The following RCOR2 variants were observed in gnomAD, a reference collection of about 807,000 sequenced individuals.
RCOR2 encodes REST corepressor 2.
Under a neutral mutation model 58.9 loss-of-function variants are expected in RCOR2, and 19 were observed. The observed-to-expected ratio is 0.32, with a 90% confidence interval of 0.23 to 0.47. RCOR2 has a LOEUF of 0.47. Ranked by LOEUF, RCOR2 falls within the 20% of genes least tolerant of loss-of-function variation. RCOR2 has a pLI of 1.00. For synonymous variants in RCOR2, 286 were observed against 278.7 expected, an observed-to-expected ratio of 1.03 and a Z score of -0.26; for missense variants, 590 against 707.9, an observed-to-expected ratio of 0.83 and a Z score of 1.89.
chr11:63,916,414 G>C lies in RCOR2; in HGVS notation c.43C>G (p.Leu15Val). Residue 15 changes from leucine (L) to valine (V), a missense_variant, in exon 1 of 12, where the codon CTG (leucine) becomes GTG (valine). Physicochemically the swap from Leu to Val is conservative, Grantham distance 32. Transcript: ENST00000301459. ...MEKPSAGSGI[L>V]SRSRAKTVPN... is the part of the protein sequence containing the mutation. ...ACCGTCTTGGCCCGGCTACGGGACA[G>C]GATCCCAGAGCCCGCGCTCGGCTTC... is the stretch of plus-strand genomic sequence containing the variant. The C allele has an allele frequency of 6.2e-7, 1 of 1,607,648 alleles. No homozygotes were observed. Among genetic ancestry groups the C allele is most frequent in the Non-Finnish European group, 8.5e-7 (1 of 1,177,816 alleles).
chr11:63,912,050 G>C lies in RCOR2; in HGVS notation c.1387C>G (p.Leu463Val), dbSNP rs1241346711. The stretch of plus-strand genomic sequence containing the variant: ...TGCAGTGGGGGTGGCTGTCGGAGCA[G>C]AGTGGGAGCCGTGGGCAAAGGTGGC... Reference protein sequence around the residue: ...LRPPLPTAPTLLRQPPPLQQG... With the variant: ...LRPPLPTAPTVLRQPPPLQQG... The change falls in exon 12 of 12, where the codon CTG (leucine) becomes GTG (valine). Residue 463 changes from leucine to valine, a missense_variant. Physicochemically the swap from Leu to Val is conservative, Grantham distance 32. This residue lies in a region of RCOR2 where 196 missense variants were observed against 210.7 expected (regional missense o/e 0.93). Coordinates refer to ENST00000301459, the MANE Select transcript of RCOR2 (RefSeq NM_173587.4). The C allele has an allele frequency of 6.7e-7, 1 of 1,493,658 alleles. No individual in the cohort carries two copies. Among genetic ancestry groups the C allele is most frequent in the East Asian group, 2.5e-5 (1 of 40,462 alleles). The allele number at this position is 1,493,658 out of a possible 1,614,324, so 92.5% of individuals were successfully genotyped here.
At position 63,914,755 on chromosome 11, in the gene RCOR2, T is replaced by C; in HGVS notation, c.380A>G (p.Asn127Ser). 7.4e-6 allele frequency: 12 copies of C among 1,613,378 alleles called. No homozygotes were observed. Among genetic ancestry groups the C allele is most frequent in the Non-Finnish European group, 9.3e-6 (11 of 1,179,662 alleles). Residue 127 changes from asparagine (N) to serine (S), a missense_variant, in exon 5 of 12, where the codon AAC becomes AGC. Coordinates refer to ENST00000301459, the MANE Select transcript of RCOR2 (RefSeq NM_173587.4). ...CCACTCGTCAGGGAATGGGGTGAAG[T>C]TGGCCAGGTCGGCCAGCGACTTCTC... The part of the protein sequence containing the change: ...DVEKSLADLA[N>S]FTPFPDEWTV...
In RCOR2 at chr11:63,911,698, AG is replaced by A; in HGVS notation, c.*166del. 2 of 1,142,796 alleles carry A rather than the reference AG, an allele frequency of 1.8e-6. No homozygotes were observed. Among genetic ancestry groups the A allele is most frequent in the Non-Finnish European group, 2.3e-6 (2 of 873,432 alleles). The allele number at this position is 1,142,796 out of a possible 1,614,324, so 70.8% of individuals were successfully genotyped here. The stretch of plus-strand genomic sequence containing the variant: ...GCCCCAGGAGACAGGCCCAGCTGCC[AG>A]GAACACATGCAGAACCCAAAGGGCG... On this transcript the variant is annotated 3_prime_UTR_variant, in exon 12 of 12. Transcript: ENST00000301459.
chr11:63,927,064 C>T, the RCOR2 span, among the ~76,000 whole-genome samples: 1 of 151,770 alleles, frequency 6.6e-6, no homozygotes, highest in South Asian at 2.1e-4. Flanking sequence ...TCCACCCAAA[C>T]TCCTGGCCTC....
chr11:63,923,859 A>G, the RCOR2 span, among the ~76,000 whole-genome samples: 4 of 152,054 alleles, frequency 2.6e-5, no homozygotes, highest in South Asian at 6.2e-4. Context: ...ATCTTCACCA[A>G]TCTTCACCAC....
chr11:63,911,802 A>C lies in RCOR2; in HGVS notation c.*63T>G. 1 of 1,469,468 alleles carries C rather than the reference A, an allele frequency of 6.8e-7. No individual in the cohort carries two copies. The highest frequency in any genetic ancestry group is 8.9e-7 in the Non-Finnish European group (1 of 1,125,274). The allele number at this position is 1,469,468 out of a possible 1,614,324, so 91.0% of individuals were successfully genotyped here. ...TCCCTTCTGTCCTCAGTGACACCAG[A>C]GATGCCTGGGGATGGCCAGCAAAGG... On this transcript the variant is annotated 3_prime_UTR_variant, in exon 12 of 12. Coordinates refer to ENST00000301459, the MANE Select transcript of RCOR2 (RefSeq NM_173587.4).
At chr11:63,913,177 TATATA>T (rs1210027624) in intron 8 of RCOR2, among the ~76,000 whole-genome samples, 6 of 121,896 alleles carry the variant, frequency 4.9e-5, no homozygotes, top group Non-Finnish European at 5.0e-5. Flanking sequence ...TATATATATA[TATATA>T]TATTTTTTTT....
chr11:63,914,828 C>G lies in RCOR2; in HGVS notation c.319-12G>C. On this transcript the variant is annotated splice_polypyrimidine_tract_variant and intron_variant, in intron 4 of 11. Transcript: ENST00000301459. ...AGCATGCCCAGCGCCTGGCCCGGGG[C>G]AAGGGGCAGCTGAGCCTGAGCTGCC... 1 of 1,583,542 alleles carries G rather than the reference C, an allele frequency of 6.3e-7. No homozygotes were observed. The highest frequency in any genetic ancestry group is 1.1e-5 in the South Asian group (1 of 89,062).
chr11:63,913,182 ATATT>A (rs1196839533), intron 8 of RCOR2, among the ~76,000 whole-genome samples: 71 of 81,684 alleles, frequency 8.7e-4, no homozygotes, highest in East Asian at 1.7e-3. Flanking sequence ...ATATATATAT[ATATT>A]TTTTTTTTTT....
chr11:63,923,517 G>T, the RCOR2 span, among the ~76,000 whole-genome samples: 1 of 152,088 alleles, frequency 6.6e-6, no homozygotes, highest in African/African-American at 2.4e-5. Flanking sequence ...CAGTGACTTT[G>T]TTATCTCTAA....
In RCOR2 at chr11:63,912,003, G is replaced by A; in HGVS notation, c.1434C>T (p.Pro478=). Residue 478 remains proline (P), a synonymous_variant, in exon 12 of 12, where the codon CCC becomes CCT. Transcript: ENST00000301459. ...PPLQQGRFLQ[P]RLAPNQPPPP... is the part of the protein sequence containing the mutation. The stretch of plus-strand genomic sequence containing the variant: ...GTGGGGGCTGGTTGGGGGCCAGCCG[G>A]GGCTGGAGGAAGCGGCCCTGCTGCA... 7.0e-7 allele frequency: 1 copy of A among 1,434,604 alleles called. No homozygotes were observed. Among genetic ancestry groups the A allele is most frequent in the Non-Finnish European group, 9.2e-7 (1 of 1,091,108 alleles). 88.9% of individuals were successfully genotyped at this position (1,434,604 alleles called of 1,614,324 possible). A position where few individuals can be genotyped will look rare whatever the true frequency, so the allele number is the denominator to read the frequency against.
At position 63,916,532 on chromosome 11, in the gene RCOR2, C is replaced by G. The variant is rs1941860983; in HGVS notation, c.-76G>C. 14 of 1,509,914 alleles carry G rather than the reference C, an allele frequency of 9.3e-6. No homozygotes were observed. The highest frequency in any genetic ancestry group is 1.3e-5 in the South Asian group (1 of 78,786). 93.5% of individuals were successfully genotyped at this position (1,509,914 alleles called of 1,614,324 possible). ...TGGTTGCCGCACTCGCTCCGAGTGCCGAGCCCGGCCCGGCCTGGAGAGGTC... is the reference window on the plus strand; with the variant it reads ...TGGTTGCCGCACTCGCTCCGAGTGCGGAGCCCGGCCCGGCCTGGAGAGGTC... On this transcript the variant is annotated 5_prime_UTR_variant, in exon 1 of 12. Transcript: ENST00000301459.
rs1941748371 is a variant in RCOR2 at position 63,911,404 on chromosome 11, G to C, written c.*461C>G. 1 of 153,118 alleles carries C rather than the reference G, an allele frequency of 6.5e-6. No homozygotes were observed. The highest frequency in any genetic ancestry group is 2.4e-5 in the African/African-American group (1 of 41,416). 9.5% of individuals were successfully genotyped at this position (153,118 alleles called of 1,614,324 possible). A position where few individuals can be genotyped will look rare whatever the true frequency, so the allele number is the denominator to read the frequency against. On this transcript the variant is annotated 3_prime_UTR_variant, in exon 12 of 12. Transcript: ENST00000301459. ...CAGAGCTTCTCTTCCAGCCTCTGCT[G>C]CTGTAAGGCCCCTCTGCCCACCTCC...
Position 63,912,601 on chromosome 11 carries a change from C to T in RCOR2, c.1028-67G>A, listed in dbSNP as rs1941786730. On this transcript the variant is annotated intron_variant, in intron 10 of 11. Coordinates refer to ENST00000301459, the MANE Select transcript of RCOR2 (RefSeq NM_173587.4). ...ACTAGTTACTTCCCTGACCCTTCCCCTCTGCCCCCCCACTCCTTGGAGGGT... is the reference window on the plus strand; with the variant it reads ...ACTAGTTACTTCCCTGACCCTTCCCTTCTGCCCCCCCACTCCTTGGAGGGT... 2.1e-5 allele frequency: 33 copies of T among 1,593,448 alleles called. No individual in the cohort carries two copies. In the South Asian group the frequency reaches 3.5e-4, roughly 17 times the overall value.
the RCOR2 span, among the ~76,000 whole-genome samples, chr11:63,926,555 C>T: frequency 2.0e-5 from 3 of 146,840 alleles, no homozygotes; most frequent in Admixed American, 6.9e-5. Context: ...GACGTGATCT[C>T]GGCTCACCAC....
Position 63,911,575 on chromosome 11 carries a change from A to G in RCOR2, c.*290T>C. 1 of 327,270 alleles carries G rather than the reference A, an allele frequency of 3.1e-6. No individual in the cohort carries two copies. Among genetic ancestry groups the G allele is most frequent in the Non-Finnish European group, 5.5e-6 (1 of 182,232 alleles). 20.3% of individuals were successfully genotyped at this position (327,270 alleles called of 1,614,324 possible). A position where few individuals can be genotyped will look rare whatever the true frequency, so the allele number is the denominator to read the frequency against. ...CGGACACACAAAGGGCAGGACCCAG[A>G]GGCCAAGCCCCAGCAGACTAGGACA... On this transcript the variant is annotated 3_prime_UTR_variant, in exon 12 of 12. Transcript: ENST00000301459.
At position 63,916,408 on chromosome 11, in the gene RCOR2, G is replaced by T; in HGVS notation, c.49C>A (p.Arg17Ser). Residue 17 changes from arginine to serine, a missense_variant, in exon 1 of 12, where the codon CGT becomes AGT. Physicochemically the swap from Arg to Ser is moderately radical, Grantham distance 110. Transcript: ENST00000301459. ...TTGGGCACCGTCTTGGCCCGGCTAC[G>T]GGACAGGATCCCAGAGCCCGCGCTC... ...KPSAGSGILS[R>S]SRAKTVPNGG... 1.9e-6 allele frequency: 3 copies of T among 1,607,744 alleles called. No homozygotes were observed. Among genetic ancestry groups the T allele is most frequent in the Non-Finnish European group, 8.5e-7 (1 of 1,177,870 alleles).
At position 63,915,620 on chromosome 11, in the gene RCOR2, C is replaced by A; in HGVS notation, c.128-9G>T. On this transcript the variant is annotated splice_polypyrimidine_tract_variant and intron_variant, in intron 1 of 11. Transcript: ENST00000301459. ...AACGCGGATCATGCTGTCTGTGGAG[C>A]CAGGGGGAGGCAGTCAGGACTCCAG... 1.0e-6 allele frequency: 1 copy of A among 975,064 alleles called. No individual in the cohort carries two copies. The highest frequency in any genetic ancestry group is 1.4e-6 in the Non-Finnish European group (1 of 726,124). 60.4% of individuals were successfully genotyped at this position (975,064 alleles called of 1,614,324 possible).
Position 63,914,503 on chromosome 11 carries a change from G to A in RCOR2, c.519C>T (p.Tyr173=). ...DKLIPSLVKY[Y]YSWKKTRSRT... is the part of the protein sequence containing the mutation. The stretch of plus-strand genomic sequence containing the variant: ...GGCTGCGGGTCTTCTTCCAAGAGTA[G>A]TAGTATTTCACCAGGCTGGGAATCA... The change falls in exon 6 of 12, where the codon TAC becomes TAT. Residue 173 remains tyrosine (Y), a synonymous_variant. Transcript: ENST00000301459. 1 of 1,613,812 alleles carries A rather than the reference G, an allele frequency of 6.2e-7. No individual in the cohort carries two copies. The highest frequency in any genetic ancestry group is 8.5e-7 in the Non-Finnish European group (1 of 1,180,016).
Sources: allele counts gnomAD v4.1 joint callset (sites outside exome capture counted in the v4.1 genomes callset), GRCh38; gene constraint gnomAD v4.1.1; regional missense constraint gnomAD v4.1.1; transcripts MANE v1.5; gene names NCBI Gene and HGNC (gene_info 2026-07-23, HGNC 2026-07-21).